The following ZCCHC7 variants were observed in gnomAD, a reference collection of about 807,000 sequenced individuals.
ZCCHC7 encodes the protein zinc finger CCHC-type containing 7, also known as zinc finger CCHC domain-containing protein 7.
ZCCHC7 carries 35 observed loss-of-function variants against 52.0 expected under a neutral mutation model. The observed-to-expected ratio is 0.67, with a 90% CI of 0.51 to 0.89. The LOEUF (loss-of-function observed/expected upper bound fraction) is 0.89. Ranked by LOEUF, ZCCHC7 falls within the 40% of genes least tolerant of loss-of-function variation. The pLI, the probability that ZCCHC7 is intolerant of heterozygous loss-of-function variation, is 0.00. For synonymous variants in ZCCHC7, 217 were observed against 221.5 expected (o/e 0.98, Z 0.18); for missense variants, 574 against 649.1 (o/e 0.88, Z 1.26).
chr9:37,241,770 G>A (rs1460514316), intron 2 of ZCCHC7, among the ~76,000 whole-genome samples: 1 of 151,662 alleles, frequency 6.6e-6, no homozygotes, highest in Non-Finnish European at 1.5e-5. Context: ...AAAGTGCCAG[G>A]CTGTTCATTC....
At chr9:37,350,567 C>T (rs1464308294) in intron 7 of ZCCHC7, among the ~76,000 whole-genome samples, 1 of 152,240 alleles carries the variant, frequency 6.6e-6, no homozygotes, top group South Asian at 2.1e-4. Flanking sequence ...TCACCTACCC[C>T]ACAAATGCCC....
chr9:37,322,190 G>C (rs981116028), intron 5 of ZCCHC7: 2 of 152,106 alleles, frequency 1.3e-5, no homozygotes, highest in Non-Finnish European at 2.9e-5. Flanking sequence ...AAACCAGTTA[G>C]ATGGTTCCCA....
intron 2 of ZCCHC7, among the ~76,000 whole-genome samples, chr9:37,193,748 G>A (rs1242753396): frequency 3.9e-5 from 6 of 152,136 alleles, no homozygotes; most frequent in Non-Finnish European, 5.9e-5. Flanking sequence ...CAAGGAATGA[G>A]GTGGTAATCC....
At chr9:37,356,240 T>G (rs1003435687) in intron 8 of ZCCHC7, among the ~76,000 whole-genome samples, 3 of 152,140 alleles carry the variant, frequency 2.0e-5, no homozygotes, top group Non-Finnish European at 4.4e-5. Context: ...CTATCAGAGA[T>G]CCGTATTAAG....
chr9:37,199,862 G>A (rs1398629290), intron 2 of ZCCHC7, among the ~76,000 whole-genome samples: 4 of 151,310 alleles, frequency 2.6e-5, no homozygotes, highest in Admixed American at 6.6e-5. Flanking sequence ...CCGCCACCAC[G>A]CCCGGCTAAT....
At chr9:37,197,680 A>T (rs2133137032) in intron 2 of ZCCHC7, among the ~76,000 whole-genome samples, 1 of 152,216 alleles carries the variant, frequency 6.6e-6, no homozygotes, top group Non-Finnish European at 1.5e-5. Context: ...CCTGGCTTTT[A>T]TTTCCTATGC....
At chr9:37,164,371 G>C (rs1489770127) in intron 2 of ZCCHC7, among the ~76,000 whole-genome samples, 1 of 150,840 alleles carries the variant, frequency 6.6e-6, no homozygotes, top group African/African-American at 2.4e-5. Flanking sequence ...CTTGAACCCA[G>C]GAGGCGGAAG....
At chr9:37,239,366 A>G (rs903994456) in intron 2 of ZCCHC7, among the ~76,000 whole-genome samples, 7 of 152,086 alleles carry the variant, frequency 4.6e-5, no homozygotes, top group Admixed American at 3.3e-4. Context: ...TTCTTATTAC[A>G]ATGCGTTTGC....
chr9:37,251,331 T>G (rs1826319719), intron 2 of ZCCHC7, among the ~76,000 whole-genome samples: 1 of 152,234 alleles, frequency 6.6e-6, no homozygotes, highest in Non-Finnish European at 1.5e-5. Flanking sequence ...TCTTGAAAGG[T>G]ATCTCTCCAA....
intron 6 of ZCCHC7, among the ~76,000 whole-genome samples, chr9:37,329,031 C>A (rs1830355259): frequency 6.6e-6 from 1 of 151,816 alleles, no homozygotes; most frequent in Admixed American, 6.6e-5. Flanking sequence ...GCTTATGTAG[C>A]AGTTTTTTTA....
At chr9:37,126,172 GA>G (rs1479930958) in intron 1 of ZCCHC7, 139 bp from the exon 2 acceptor site, 22 of 878,908 alleles carry the variant, frequency 2.5e-5, no homozygotes, top group Non-Finnish European at 3.7e-5. Flanking sequence ...GAAATCCTTG[GA>G]AAAAAAGGTA....
intron 2 of ZCCHC7, among the ~76,000 whole-genome samples, chr9:37,299,882 G>A (rs1023683953): frequency 1.6e-4 from 24 of 152,190 alleles, no homozygotes; most frequent in African/African-American, 4.8e-4. Flanking sequence ...ACACGGGTTC[G>A]AACTTCATAG....
intron 6 of ZCCHC7, among the ~76,000 whole-genome samples, chr9:37,329,209 A>G (rs998852012): frequency 5.3e-5 from 8 of 151,794 alleles, no homozygotes; most frequent in Admixed American, 5.3e-4. Context: ...AAACAATTCC[A>G]ATCTTGAAGT....
intron 2 of ZCCHC7, among the ~76,000 whole-genome samples, chr9:37,277,287 G>A (rs575189972): frequency 3.9e-5 from 6 of 152,196 alleles, no homozygotes; most frequent in African/African-American, 1.4e-4. Context: ...TAAATATTTA[G>A]TACATAAAAT....
At chr9:37,169,151 C>G (rs1053251627) in intron 2 of ZCCHC7, among the ~76,000 whole-genome samples, 1 of 152,056 alleles carries the variant, frequency 6.6e-6, no homozygotes, top group African/African-American at 2.4e-5. Context: ...TATGAAGAAA[C>G]AAAATACAGG....
At position 37,126,947 on chromosome 9, in the gene ZCCHC7, G is replaced by C; in HGVS notation, c.610+5G>C. 6.2e-7 allele frequency: 1 copy of C among 1,611,268 alleles called. No homozygotes were observed. Among genetic ancestry groups the C allele is most frequent in the South Asian group, 1.1e-5 (1 of 90,920 alleles). ...GTGAAAACTCTGTTACTGAAGGTTA[G>C]TATCATATTGGCCATTTTGAAAGTA... On this transcript the variant is annotated splice_donor_5th_base_variant and intron_variant, in intron 2 of 8. Transcript: ENST00000336755.
At chr9:37,205,832 T>C (rs1823877444) in intron 2 of ZCCHC7, among the ~76,000 whole-genome samples, 1 of 152,122 alleles carries the variant, frequency 6.6e-6, no homozygotes, top group South Asian at 2.1e-4. Flanking sequence ...ACTTTTTTTA[T>C]TTGGTGAGGA....
intron 6 of ZCCHC7, among the ~76,000 whole-genome samples, chr9:37,335,683 AC>A (rs1830618541): frequency 6.6e-6 from 1 of 152,096 alleles, no homozygotes; most frequent in African/African-American, 2.4e-5. Context: ...ATTCCTAAGG[AC>A]CTCTTTACTC....
rs146328228 is a variant in ZCCHC7 at position 37,163,658 on chromosome 9, T to G, written c.610+36716T>G. On this transcript the variant is annotated intron_variant, in intron 2 of 8. Transcript: ENST00000336755. ...GGCTTTGTATTCACTTAATAGTGTC[T>G]TTTGAAGAGCAAAAGTTATTAATTT... Among the ~76,000 whole-genome samples the G allele has an allele frequency of 3.0e-4, 45 of 152,318 alleles. 1 individual carries two copies. The highest frequency in any genetic ancestry group is 5.9e-4 in the Non-Finnish European group (40 of 68,032).
Sources: gnomAD v4.1 joint callset for allele counts (sites outside exome capture counted in the v4.1 genomes callset) on GRCh38, gnomAD v4.1.1 for gene constraint, MANE v1.5 for transcripts, NCBI Gene and HGNC (gene_info 2026-07-23, HGNC 2026-07-21) for gene names.